Variants in MTA3 observed in about 807,000 individuals in gnomAD.
The protein encoded by MTA3 is metastasis associated 1 family member 3.
MTA3 carries 34 observed loss-of-function variants against 83.5 expected under a neutral mutation model. The observed-to-expected ratio is 0.41, with a 90% CI of 0.31 to 0.54. The LOEUF is 0.54. Ranked by LOEUF, MTA3 falls within the 20% of genes least tolerant of loss-of-function variation. The probability of loss-of-function intolerance (pLI) is 0.33; values close to 1 mark genes in which losing one functional copy is unlikely to be tolerated. For missense variants in MTA3, 761 were observed against 726.4 expected (o/e 1.05, Z -0.55); for synonymous variants, 303 against 252.7 (o/e 1.20, Z -1.89).
Position 42,527,824 on chromosome 2 carries a change from T to C in MTA3, c.-141+32570T>C, listed in dbSNP as rs1437841175. On this transcript the variant is annotated intron_variant, in intron 2 of 17. Transcript: ENST00000405592. Reference sequence around the variant, plus strand: ...GGTCAATATAATAGGATCATGTCTTTAAAAAAAAAAAAACAAAAACAAGTG... The same window carrying C: ...GGTCAATATAATAGGATCATGTCTTCAAAAAAAAAAAAACAAAAACAAGTG... Among the ~76,000 whole-genome samples the C allele has an allele frequency of 2.1e-5, 3 of 141,932 alleles. No individual in the cohort carries two copies. The Admixed American group carries it at 2.1e-4, about 10-fold the overall frequency. 93.1% of individuals were successfully genotyped at this position (141,932 alleles called of 152,430 possible).
In MTA3 at chr2:42,736,583, A is replaced by G. The variant is rs1406749305; in HGVS notation, c.1759+13548A>G. ...CAACTGGGAGCCAGGGCCTGGAGTCAGGAACCTTAGGAATCTACCTGGTGT... is the reference window on the plus strand; with the variant it reads ...CAACTGGGAGCCAGGGCCTGGAGTCGGGAACCTTAGGAATCTACCTGGTGT... On this transcript the variant is annotated intron_variant, in intron 16 of 16. Transcript: ENST00000405094. Among the ~76,000 whole-genome samples, 9 of 152,204 alleles carry G rather than the reference A, an allele frequency of 5.9e-5. No homozygotes were observed. In the East Asian group the frequency reaches 9.7e-4, roughly 16 times the overall value.
intron 15 of MTA3, among the ~76,000 whole-genome samples, chr2:42,720,684 C>T (rs912456153): frequency 6.6e-6 from 1 of 151,956 alleles, no homozygotes; most frequent in African/African-American, 2.4e-5. Flanking sequence ...ATAGGCCGGG[C>T]ATGGTGGCTC....
intron 2 of MTA3, among the ~76,000 whole-genome samples, chr2:42,538,169 C>T (rs1286064697): frequency 6.6e-6 from 1 of 151,732 alleles, no homozygotes; most frequent in African/African-American, 2.4e-5. Flanking sequence ...GGAGGTGGAG[C>T]TTGCAGTGAG....
At chr2:42,636,875 T>C (rs554976396) in intron 4 of MTA3, among the ~76,000 whole-genome samples, 15 of 152,260 alleles carry the variant, frequency 9.9e-5, no homozygotes, top group African/African-American at 3.4e-4. Context: ...CCCGCCCGCA[T>C]CGGCCTCCCA....
intron 16 of MTA3, 53 bp downstream of exon 16, chr2:42,723,088 C>G: frequency 1.3e-6 from 2 of 1,526,046 alleles, no homozygotes; most frequent in East Asian, 2.5e-5. Flanking sequence ...CCTTCACACT[C>G]AGGCATGTGT....
intron 8 of MTA3, among the ~76,000 whole-genome samples, chr2:42,667,621 AAGAG>A (rs70963342): frequency 0.093 from 10,637 of 114,048 alleles, 610 homozygotes; most frequent in African/African-American, 0.21. Context: ...TAGAGAGAGA[AAGAG>A]AGAGAGAGAG....
intron 2 of MTA3, among the ~76,000 whole-genome samples, chr2:42,552,429 C>T (rs1677156562): frequency 6.6e-6 from 1 of 152,086 alleles, no homozygotes; most frequent in Non-Finnish European, 1.5e-5. Flanking sequence ...AACTTTCTCT[C>T]ACTTGGACTA....
Position 42,689,515 on chromosome 2 carries a change from C to T in MTA3, c.892-6250C>T, listed in dbSNP as rs548415651. 2.2e-4 allele frequency among the ~76,000 whole-genome samples: 34 copies of T among 152,202 alleles called. No homozygotes were observed. The South Asian group carries it at 7.0e-3, about 32-fold the overall frequency. On this transcript the variant is annotated intron_variant, in intron 9 of 16. Coordinates refer to ENST00000405094, the MANE Select transcript of MTA3 (RefSeq NM_001330442.2). The stretch of plus-strand genomic sequence containing the variant: ...GTTGAGTTCACTAGTGAAGTCATCT[C>T]TTTTTGGAAGGTTTTAAAACTGTGA...
chr2:42,607,667 T>C (rs1440110250), intron 3 of MTA3, among the ~76,000 whole-genome samples: 1 of 152,220 alleles, frequency 6.6e-6, no homozygotes, highest in Admixed American at 6.5e-5. Flanking sequence ...ATTTATCTTT[T>C]GAATTCTCTT....
rs530211438 is a variant in MTA3, at chr2:42,705,938, C to T, written c.1150+1620C>T. On this transcript the variant is annotated intron_variant, in intron 12 of 16. Transcript: ENST00000405094. ...GATGTTTTCTATTTATTAAATGATA[C>T]CTACTTTCCAATTGAATTTGAGTTA... Among the ~76,000 whole-genome samples the T allele has an allele frequency of 1.4e-4, 22 of 152,124 alleles. No individual in the cohort carries two copies. The South Asian group carries it at 4.6e-3, about 32-fold the overall frequency.
intron 1 of MTA3, chr2:42,569,596 G>A (rs566836549): frequency 6.6e-6 from 1 of 152,298 alleles, no homozygotes; most frequent in South Asian, 2.1e-4. Flanking sequence ...CTGGCTAAAT[G>A]AGGCCACTTT....
intron 11 of MTA3, 131 bp from the exon 12 acceptor site, chr2:42,704,063 T>C: frequency 1.8e-6 from 2 of 1,081,684 alleles, no homozygotes; most frequent in South Asian, 3.4e-5. Flanking sequence ...TTTACCAGTT[T>C]ATTTCTTCTT....
In MTA3 at chr2:42,579,205, GTTGT is replaced by G. The variant is rs1573037195; in HGVS notation, c.190+8_190+11del. ...TGCTCGCAGATAAGCATGCTAGTAA[GTTGT>G]TTTTCTCTGATTAAAAAAACGTTTT... On this transcript the variant is annotated splice_donor_region_variant and intron_variant, in intron 3 of 16. Transcript: ENST00000405094. 1 of 1,578,168 alleles carries G rather than the reference GTTGT, an allele frequency of 6.3e-7. No homozygotes were observed. Among genetic ancestry groups the G allele is most frequent in the South Asian group, 1.2e-5 (1 of 84,292 alleles).
chr2:42,572,762 T>C (rs1479381701), intron 2 of MTA3, among the ~76,000 whole-genome samples: 1 of 152,118 alleles, frequency 6.6e-6, no homozygotes, highest in East Asian at 1.9e-4. Context: ...GTTTTCACTC[T>C]TGTTGCCCAG....
chr2:42,523,255 TC>T (rs370811583), intron 2 of MTA3, among the ~76,000 whole-genome samples: 68 of 152,246 alleles, frequency 4.5e-4, no homozygotes, highest in African/African-American at 1.6e-3. Context: ...AAATCCACTC[TC>T]CCTTTCTTCC....
At chr2:42,735,504 T>C (rs889222466) in intron 16 of MTA3, among the ~76,000 whole-genome samples, 1 of 152,198 alleles carries the variant, frequency 6.6e-6, no homozygotes, top group African/African-American at 2.4e-5. Context: ...TATTGATATC[T>C]TTCTCTAGGT....
intron 2 of MTA3, among the ~76,000 whole-genome samples, chr2:42,571,750 C>G (rs1573009359): frequency 6.7e-6 from 1 of 149,316 alleles, no homozygotes; most frequent in South Asian, 2.1e-4. Context: ...GAGTTTGAGA[C>G]CAGCCTGACC....
chr2:42,522,410 C>T lies in MTA3; in HGVS notation c.-141+27156C>T, dbSNP rs78181353. Among the ~76,000 whole-genome samples, 1,019 of 152,248 alleles carry T rather than the reference C, an allele frequency of 6.7e-3. 5 individuals carry two copies. The highest frequency in any genetic ancestry group is 0.023 in the African/African-American group (938 of 41,550). The stretch of plus-strand genomic sequence containing the variant: ...GGAATAATTTCGTTCCTTGCACCCA[C>T]TTTCAGGAAGGAATATGATCAGCAC... On this transcript the variant is annotated intron_variant, in intron 2 of 17. Transcript: ENST00000405592.
chr2:42,505,627 A>G (rs1010553599), intron 2 of MTA3, among the ~76,000 whole-genome samples: 3 of 152,122 alleles, frequency 2.0e-5, no homozygotes, highest in Admixed American at 1.3e-4. Context: ...TCATTATACA[A>G]GATAGTCTTC....
Sources: allele counts gnomAD v4.1 joint callset (sites outside exome capture counted in the v4.1 genomes callset), GRCh38; gene constraint gnomAD v4.1.1; transcripts MANE v1.5; gene names NCBI Gene and HGNC (gene_info 2026-07-23, HGNC 2026-07-21).